Variants in TUSC3 observed in about 807,000 individuals in gnomAD.
TUSC3 encodes the protein dolichyl-diphosphooligosaccharide--protein glycosyltransferase subunit TUSC3.
In TUSC3, 45 loss-of-function variants were observed where a neutral mutation model predicts 44.8. The observed-to-expected ratio is 1.00, with a 90% confidence interval of 0.79 to 1.29. TUSC3 has a LOEUF of 1.29. Among genes scored for constraint, TUSC3 ranks in the 50% most tolerant of loss-of-function variants. The probability of loss-of-function intolerance (pLI) is 0.00; values close to 1 mark genes in which losing one functional copy is unlikely to be tolerated. For missense variants in TUSC3, 519 were observed against 437.9 expected, an observed-to-expected ratio of 1.19 and a Z score of -1.65; for synonymous variants, 212 against 152.9, an observed-to-expected ratio of 1.39 and a Z score of -2.85.
the TUSC3 span, among the ~76,000 whole-genome samples, chr8:15,825,772 A>G: frequency 1.3e-5 from 2 of 152,060 alleles, no homozygotes; most frequent in Admixed American, 6.6e-5. Context: ...TTTTTTGCCC[A>G]GGTATTTTGT....
intron 2 of TUSC3, among the ~76,000 whole-genome samples, chr8:15,633,704 T>G (rs1184731005): frequency 6.6e-6 from 1 of 152,168 alleles, no homozygotes; most frequent in East Asian, 1.9e-4. Flanking sequence ...TGTCAGGTAT[T>G]GACAGCCATC....
At chr8:15,511,540 C>T (rs563682602) in intron 2 of TUSC3, among the ~76,000 whole-genome samples, 1 of 152,064 alleles carries the variant, frequency 6.6e-6, no homozygotes, top group South Asian at 2.1e-4. Context: ...TATAATAGCA[C>T]CAAAAATACT....
rs535067641 is a variant in TUSC3 at position 15,547,589 on chromosome 8, T to G, written c.138+7021T>G. Among the ~76,000 whole-genome samples the G allele has an allele frequency of 1.8e-3, 272 of 151,682 alleles. 3 individuals carry two copies. The highest frequency in any genetic ancestry group is 6.3e-3 in the African/African-American group (263 of 41,486). On this transcript the variant is annotated intron_variant, in intron 1 of 10. Transcript: ENST00000503731. Reference sequence around the variant, plus strand: ...TACTAGGCATTTGACTTAGTTAGATTGTTGTCGTAGATTGAATGTTTATGT... The same window carrying G: ...TACTAGGCATTTGACTTAGTTAGATGGTTGTCGTAGATTGAATGTTTATGT...
intron 1 of TUSC3, among the ~76,000 whole-genome samples, chr8:15,565,487 C>T (rs1802632482): frequency 1.3e-5 from 2 of 152,114 alleles, no homozygotes; most frequent in Non-Finnish European, 2.9e-5. Context: ...CAGCTACCTG[C>T]TTAGCTGTTG....
intron 7 of TUSC3, 197 bp from the exon 8 acceptor site, chr8:15,743,341 T>G (rs1238205864): frequency 6.8e-6 from 4 of 592,486 alleles, no homozygotes; most frequent in Non-Finnish European, 1.2e-5. Flanking sequence ...AATTGAAGTT[T>G]CAGGTTATAA....
At chr8:15,622,490 A>G (rs1007507570) in intron 1 of TUSC3, among the ~76,000 whole-genome samples, 12 of 152,110 alleles carry the variant, frequency 7.9e-5, no homozygotes, top group African/African-American at 2.4e-5. Context: ...CTCCCTAGGA[A>G]CAGAATATTA....
intron 1 of TUSC3, among the ~76,000 whole-genome samples, chr8:15,600,176 A>C (rs553430002): frequency 6.6e-6 from 1 of 151,918 alleles, no homozygotes; most frequent in South Asian, 2.1e-4. Flanking sequence ...TTGTCCTATA[A>C]AATTCTAATT....
chr8:15,518,696 A>T (rs995112213), intron 2 of TUSC3, among the ~76,000 whole-genome samples: 2 of 152,180 alleles, frequency 1.3e-5, no homozygotes, highest in African/African-American at 4.8e-5. Flanking sequence ...TGAAAAATAT[A>T]GGGTTAAAGC....
chr8:15,622,961 T>C (rs1805319252), intron 1 of TUSC3, 119 bp from the exon 2 acceptor site: 2 of 1,046,710 alleles, frequency 1.9e-6, no homozygotes, highest in East Asian at 2.6e-5. Context: ...TCTTTTATCT[T>C]TTCTATAAAC....
intron 1 of TUSC3, among the ~76,000 whole-genome samples, chr8:15,562,010 G>A (rs1222676925): frequency 1.3e-5 from 2 of 152,112 alleles, no homozygotes; most frequent in African/African-American, 4.8e-5. Flanking sequence ...GTTCCTATTC[G>A]GCCATCTTGG....
the TUSC3 span, among the ~76,000 whole-genome samples, chr8:15,798,981 C>T: frequency 6.6e-6 from 1 of 152,148 alleles, no homozygotes; most frequent in Admixed American, 6.5e-5. Flanking sequence ...TAAATCCAAT[C>T]AGGAGCAGTA....
At chr8:15,506,501 A>G (rs897194002) in intron 2 of TUSC3, among the ~76,000 whole-genome samples, 1 of 152,220 alleles carries the variant, frequency 6.6e-6, no homozygotes, top group Non-Finnish European at 1.5e-5. Flanking sequence ...AGAAATACCA[A>G]GACTGGGTAA....
intron 1 of TUSC3, among the ~76,000 whole-genome samples, chr8:15,598,373 T>C (rs1442182016): frequency 1.3e-5 from 2 of 151,958 alleles, no homozygotes; most frequent in Admixed American, 6.6e-5. Flanking sequence ...TTAATATATC[T>C]CTTGCCTCCA....
chr8:15,484,726 T>C (rs545831367), intron 2 of TUSC3, among the ~76,000 whole-genome samples: 2 of 152,314 alleles, frequency 1.3e-5, no homozygotes, highest in East Asian at 1.9e-4. Context: ...GAAAACTGAA[T>C]TTAAGCTGAA....
chr8:15,695,545 A>G (rs1043127133), intron 6 of TUSC3, among the ~76,000 whole-genome samples: 1 of 152,174 alleles, frequency 6.6e-6, no homozygotes, highest in Non-Finnish European at 1.5e-5. Flanking sequence ...GAGTGGGGCG[A>G]TGCTGAAAAG....
At chr8:15,836,645 A>G in the TUSC3 span, among the ~76,000 whole-genome samples, 1 of 151,932 alleles carries the variant, frequency 6.6e-6, no homozygotes, top group South Asian at 2.1e-4. Context: ...CTTTTGCGTG[A>G]CTTCCTATTA....
At chr8:15,512,821 T>A (rs1215940004) in intron 2 of TUSC3, among the ~76,000 whole-genome samples, 2 of 762 alleles carry the variant, frequency 2.6e-3, no homozygotes, top group East Asian at 0.5. Flanking sequence ...TGTCTTGGGG[T>A]GTGTGTGTGT....
intron 1 of TUSC3, among the ~76,000 whole-genome samples, chr8:15,552,852 G>C (rs1211116631): frequency 6.6e-6 from 1 of 151,648 alleles, no homozygotes; most frequent in African/African-American, 2.4e-5. Flanking sequence ...GCTTAGGTGG[G>C]GATGCAAGAC....
chr8:15,465,194 T>C (rs1243553507), intron 1 of TUSC3, among the ~76,000 whole-genome samples: 1 of 152,188 alleles, frequency 6.6e-6, no homozygotes, highest in Non-Finnish European at 1.5e-5. Context: ...TTAAGAAATT[T>C]TCCATTGCCA....
Sources: allele counts gnomAD v4.1 joint callset (sites outside exome capture counted in the v4.1 genomes callset), GRCh38; gene constraint gnomAD v4.1.1; transcripts MANE v1.5; gene names NCBI Gene and HGNC (gene_info 2026-07-23, HGNC 2026-07-21).